ZNF25: variants seen among roughly 807,000 people sequenced by gnomAD.
ZNF25 encodes the protein zinc finger protein 25, also known as zinc finger protein 25 (KOX 19).
Under a neutral mutation model 30.9 loss-of-function variants are expected in ZNF25, and 21 were observed. The observed-to-expected ratio is 0.68, with a 90% CI of 0.48 to 0.98. ZNF25 has a LOEUF of 0.98. Ranked by LOEUF, ZNF25 falls within the 50% of genes least tolerant of loss-of-function variation. The pLI is 0.00. For synonymous variants in ZNF25, 169 were observed against 181.3 expected, an observed-to-expected ratio of 0.93 and a Z score of 0.55; for missense variants, 501 against 529.9, an observed-to-expected ratio of 0.95 and a Z score of 0.54.
At chr10:37,953,947 A>G (rs1416781234) in intron 4 of ZNF25, among the ~76,000 whole-genome samples, 189 bp from the exon 5 acceptor site, 5 of 152,204 alleles carry the variant, frequency 3.3e-5, no homozygotes, top group Admixed American at 1.3e-4. Context: ...CAGAAGGAGG[A>G]TTCTACTTGT....
At position 37,957,477 on chromosome 10, in the gene ZNF25, G is replaced by C. The variant is rs149774401; in HGVS notation, c.85C>G (p.Gln29Glu). The part of the protein sequence containing the change: ...KEEWKLLTPA[Q>E]RTLYKDVMLE... ...ATCACATCCTTATACAGAGTCCTCT[G>C]AGCAGGGGTCAGTAACTTCCATTCT... Residue 29 changes from glutamine (Q) to glutamate (E), a missense_variant, in exon 3 of 6, where the codon CAG becomes GAG. Coordinates refer to ENST00000302609, the MANE Select transcript of ZNF25 (RefSeq NM_145011.4). 6.2e-7 allele frequency: 1 copy of C among 1,613,960 alleles called. No homozygotes were observed. The highest frequency in any genetic ancestry group is 8.5e-7 in the Non-Finnish European group (1 of 1,179,956).
intron 4 of ZNF25, among the ~76,000 whole-genome samples, chr10:37,955,224 G>T (rs1392033466): frequency 1.3e-5 from 2 of 152,098 alleles, no homozygotes; most frequent in African/African-American, 2.4e-5. Context: ...AGGTGTTTGG[G>T]GGCCACAAGG....
At position 37,952,637 on chromosome 10, in the gene ZNF25, T is replaced by C. The variant is rs750981898; in HGVS notation, c.861A>G (p.Lys287=). The C allele has an allele frequency of 2.5e-6, 4 of 1,613,220 alleles. No homozygotes were observed. The highest frequency in any genetic ancestry group is 3.4e-6 in the Non-Finnish European group (4 of 1,179,786). Residue 287 remains lysine, a synonymous_variant, in exon 6 of 6, where the codon AAA becomes AAG. Coordinates refer to ENST00000302609, the MANE Select transcript of ZNF25 (RefSeq NM_145011.4). ...AGAAGAATTTCCCACATTCCTTACA[T>C]TTATAGGGTTTCTCCCCTGTGTGCA... ...QRMHTGEKPY[K]CKECGKFFSR...
At chr10:37,963,252 A>C (rs2062992052) in intron 2 of ZNF25, among the ~76,000 whole-genome samples, 1 of 152,056 alleles carries the variant, frequency 6.6e-6, no homozygotes, top group Non-Finnish European at 1.5e-5. Context: ...GCTCCCAAGT[A>C]GCTGGGATTA....
rs532300631 is a variant in ZNF25 at position 37,960,286 on chromosome 10, T to C, written c.16-2740A>G. Among the ~76,000 whole-genome samples, 12 of 151,978 alleles carry C rather than the reference T, an allele frequency of 7.9e-5. No homozygotes were observed. In the South Asian group the frequency reaches 2.3e-3, roughly 29 times the overall value. On this transcript the variant is annotated intron_variant, in intron 2 of 5. Transcript: ENST00000302609. Reference sequence around the variant, plus strand: ...AGTTTCCACAAACAGAATTTTCAAATATATAAAAAATAGAGTTCTAGAAGA... The same window carrying C: ...AGTTTCCACAAACAGAATTTTCAAACATATAAAAAATAGAGTTCTAGAAGA...
At chr10:37,975,395 A>AAC (rs1177663554) in intron 1 of ZNF25, among the ~76,000 whole-genome samples, 1 of 151,736 alleles carries the variant, frequency 6.6e-6, no homozygotes, top group Non-Finnish European at 1.5e-5. Context: ...ACCAAAAAAA[A>AAC]AAACTAAAAT....
At position 37,952,598 on chromosome 10, in the gene ZNF25, G is replaced by A; in HGVS notation, c.900C>T (p.His300=). 1 of 1,612,734 alleles carries A rather than the reference G, an allele frequency of 6.2e-7. No homozygotes were observed. Among genetic ancestry groups the A allele is most frequent in the South Asian group, 1.1e-5 (1 of 91,016 alleles). Residue 300 remains histidine, a synonymous_variant, in exon 6 of 6, where the codon CAC becomes CAT. Coordinates refer to ENST00000302609, the MANE Select transcript of ZNF25 (RefSeq NM_145011.4). ...TGTGACTTCTCTGATGAGTTTTGAGGTGTGAATTCCTAGAGAAGAATTTCC... is the reference window on the plus strand; with the variant it reads ...TGTGACTTCTCTGATGAGTTTTGAGATGTGAATTCCTAGAGAAGAATTTCC... ...ECGKFFSRNS[H]LKTHQRSHTG...
Position 37,952,843 on chromosome 10 carries a change from C to A in ZNF25, c.655G>T (p.Glu219Ter). The A allele has an allele frequency of 6.2e-7, 1 of 1,613,952 alleles. No homozygotes were observed. Among genetic ancestry groups the A allele is most frequent in the Non-Finnish European group, 8.5e-7 (1 of 1,179,968 alleles). ...KSFYQKPHLT[E>*]HQKTHTGEKP... ...TCCCCTGTGTGTGTTTTCTGATGTT[C>A]TGTGAGATGTGGTTTCTGGTAGAAG... Residue 219 changes from glutamate to a stop codon, truncating the protein, a stop_gained, in exon 6 of 6, where the codon GAA becomes TAA. Transcript: ENST00000302609. LOFTEE classifies it high-confidence loss of function.
Position 37,950,976 on chromosome 10 carries a change from G to A in ZNF25, c.*1151C>T, listed in dbSNP as rs2062110999. 1 of 152,124 alleles carries A rather than the reference G, an allele frequency of 6.6e-6. No individual in the cohort carries two copies. The highest frequency in any genetic ancestry group is 2.1e-4 in the South Asian group (1 of 4,828). 9.4% of individuals were successfully genotyped at this position (152,124 alleles called of 1,614,324 possible). On this transcript the variant is annotated 3_prime_UTR_variant, in exon 6 of 6. Transcript: ENST00000302609. ...CATTGCACTATTTGTTTTCATTGTG[G>A]AGATTGTAATAAATACTACTGTTTT...
chr10:37,970,650 A>T (rs929742753), intron 2 of ZNF25, among the ~76,000 whole-genome samples: 1 of 152,192 alleles, frequency 6.6e-6, no homozygotes, highest in Non-Finnish European at 1.5e-5. Context: ...TGTTTTCTAC[A>T]GTCTACCAGG....
intron 4 of ZNF25, among the ~76,000 whole-genome samples, chr10:37,955,915 T>A (rs2062490038): frequency 6.6e-6 from 1 of 152,150 alleles, no homozygotes; most frequent in Non-Finnish European, 1.5e-5. Flanking sequence ...AACTCGGGCC[T>A]CAAGTGATCC....
intron 2 of ZNF25, among the ~76,000 whole-genome samples, chr10:37,969,158 A>T (rs1168893079): frequency 1.3e-5 from 2 of 152,042 alleles, no homozygotes; most frequent in Non-Finnish European, 2.9e-5. Flanking sequence ...AGAAACTGAA[A>T]CCCTTGTACA....
intron 1 of ZNF25, among the ~76,000 whole-genome samples, chr10:37,973,168 CAA>C (rs763901405): frequency 1.1e-4 from 13 of 123,760 alleles, no homozygotes; most frequent in Admixed American, 2.5e-4. Context: ...AACTCTATCT[CAA>C]AAAAAAAAAA....
intron 2 of ZNF25, among the ~76,000 whole-genome samples, chr10:37,957,884 G>A (rs561196043): frequency 2.6e-5 from 4 of 152,080 alleles, no homozygotes; most frequent in Non-Finnish European, 5.9e-5. Context: ...TGTTTTCTAT[G>A]TTTAGATACA....
At chr10:37,971,878 G>A in intron 1 of ZNF25, 71 bp from the exon 2 acceptor site, 1 of 1,002,314 alleles carries the variant, frequency 1.0e-6, no homozygotes, top group Non-Finnish European at 1.5e-6. Context: ...TGACCCATTA[G>A]AAAGCATAGT....
At chr10:37,959,184 T>C (rs979277714) in intron 2 of ZNF25, among the ~76,000 whole-genome samples, 1 of 152,072 alleles carries the variant, frequency 6.6e-6, no homozygotes, top group African/African-American at 2.4e-5. Flanking sequence ...TAGATGAAAA[T>C]ATAGAAACCA....
At position 37,957,002 on chromosome 10, in the gene ZNF25, T is replaced by C. The variant is rs1393540771; in HGVS notation, c.238+18A>G. On this transcript the variant is annotated intron_variant, in intron 4 of 5. Coordinates refer to ENST00000302609, the MANE Select transcript of ZNF25 (RefSeq NM_145011.4). ...AACTACTCACCAGTAACATGGGATATAATTTCTTCTAACTCACCAGGGAAG... is the reference window on the plus strand; with the variant it reads ...AACTACTCACCAGTAACATGGGATACAATTTCTTCTAACTCACCAGGGAAG... The C allele has an allele frequency of 1.2e-6, 2 of 1,601,154 alleles. No individual in the cohort carries two copies. Among genetic ancestry groups the C allele is most frequent in the Admixed American group, 1.7e-5 (1 of 59,914 alleles).
intron 2 of ZNF25, among the ~76,000 whole-genome samples, chr10:37,969,361 AC>A (rs1484703560): frequency 1.3e-5 from 2 of 152,238 alleles, no homozygotes; most frequent in Non-Finnish European, 2.9e-5. Context: ...AAAAGTGGAA[AC>A]CACCCAAATG....
chr10:37,967,723 C>T (rs894168826), intron 2 of ZNF25, among the ~76,000 whole-genome samples: 10 of 152,012 alleles, frequency 6.6e-5, no homozygotes, highest in Admixed American at 3.9e-4. Context: ...TGATTTTCAA[C>T]GAGGCTGTCA....
Sources: allele counts gnomAD v4.1 joint callset (sites outside exome capture counted in the v4.1 genomes callset), GRCh38; gene constraint gnomAD v4.1.1; transcripts MANE v1.5; gene names NCBI Gene and HGNC (gene_info 2026-07-23, HGNC 2026-07-21).